The following LOXHD1 variants were observed in gnomAD, a reference collection of about 807,000 sequenced individuals.
LOXHD1 encodes lipoxygenase homology domain-containing protein 1.
Under a neutral mutation model 248.2 loss-of-function variants are expected in LOXHD1, and 205 were observed. The ratio of observed to expected loss-of-function variants is 0.83; its 90% confidence interval spans 0.74 to 0.93. The LOEUF is 0.93. Ranked by LOEUF, LOXHD1 falls within the 40% of genes least tolerant of loss-of-function variation. LOXHD1 has a pLI of 0.00. For missense variants in LOXHD1, 2,930 were observed against 2,971.6 expected (o/e 0.99, Z 0.33); for synonymous variants, 1,113 against 1,162.8 (o/e 0.96, Z 0.87).
At chr18:46,570,014 G>A (rs983908373) in intron 15 of LOXHD1, among the ~76,000 whole-genome samples, 2 of 152,220 alleles carry the variant, frequency 1.3e-5, no homozygotes, top group Non-Finnish European at 2.9e-5. Context: ...TGAGACAAAG[G>A]AAGGATCAAC....
chr18:46,560,048 T>TGCGGGGG, intron 19 of LOXHD1, 35 bp downstream of exon 19: 1 of 1,226,294 alleles, frequency 8.2e-7, no homozygotes, highest in Non-Finnish European at 1.1e-6. Context: ...GTCTGGCCAC[T>TGCGGGGG]CCCTCCCCAC....
intron 12 of LOXHD1, among the ~76,000 whole-genome samples, chr18:46,591,545 C>G (rs568617444): frequency 6.6e-6 from 1 of 152,352 alleles, no homozygotes; most frequent in East Asian, 1.9e-4. Flanking sequence ...TAGCAGCCAA[C>G]TGGGGCTACA....
At chr18:46,558,022 C>T in intron 20 of LOXHD1, 8 of 990,348 alleles carry the variant, frequency 8.1e-6, no homozygotes, top group Non-Finnish European at 9.6e-6. Flanking sequence ...ACACACTGCT[C>T]CATGCACGGG....
chr18:46,613,902 T>A (rs1172744533), intron 5 of LOXHD1, among the ~76,000 whole-genome samples: 1 of 152,200 alleles, frequency 6.6e-6, no homozygotes, highest in African/African-American at 2.4e-5. Context: ...TTGTCACATA[T>A]CTATATATTT....
chr18:46,490,931 C>A (rs1405549691), intron 37 of LOXHD1, among the ~76,000 whole-genome samples: 1 of 152,204 alleles, frequency 6.6e-6, no homozygotes, highest in African/African-American at 2.4e-5. Context: ...TCAAGTGCGA[C>A]TGCTGGCTGT....
chr18:46,604,212 A>C lies in LOXHD1; in HGVS notation c.777T>G (p.Ile259Met). The C allele has an allele frequency of 6.4e-7, 1 of 1,551,744 alleles. No individual in the cohort carries two copies. Among genetic ancestry groups the C allele is most frequent in the South Asian group, 1.2e-5 (1 of 84,062 alleles). The change falls in exon 7 of 41, where the codon ATT becomes ATG. Residue 259 changes from isoleucine (I) to methionine (M), a missense_variant. Physicochemically the swap from Ile to Met is conservative, Grantham distance 10 (BLOSUM62 1). Transcript: ENST00000642948. The part of the protein sequence containing the change: ...WFLSQIVIED[I>M]GNKRKYDFPL... The stretch of plus-strand genomic sequence containing the variant: ...GGAAGTCATATTTTCTTTTGTTCCC[A>C]ATATCTTCAATGACTATCTGGGAAG...
At chr18:46,617,281 T>C (rs1438495552) in intron 5 of LOXHD1, among the ~76,000 whole-genome samples, 3 of 152,192 alleles carry the variant, frequency 2.0e-5, no homozygotes, top group African/African-American at 7.2e-5. Context: ...GCAAATTTTT[T>C]CCTGGTCTAT....
At chr18:46,488,880 T>G (rs2143621920) in intron 38 of LOXHD1, 92 bp downstream of exon 38, 1 of 1,374,572 alleles carries the variant, frequency 7.3e-7, no homozygotes, top group Non-Finnish European at 9.9e-7. Flanking sequence ...TCCCTGTATC[T>G]GGCACCTGAC....
Position 46,529,947 on chromosome 18 carries a change from A to G in LOXHD1, c.4376-616T>C, listed in dbSNP as rs190447018. Among the ~76,000 whole-genome samples, 5 of 152,316 alleles carry G rather than the reference A, an allele frequency of 3.3e-5. No individual in the cohort carries two copies. In the East Asian group the frequency reaches 9.7e-4, roughly 29 times the overall value. On this transcript the variant is annotated intron_variant, in intron 28 of 40. Transcript: ENST00000642948. Reference sequence around the variant, plus strand: ...TATGGCCCATAGGGAGGGCTCAGTAAATATGGGTGTGACAATTATTAAAAA... The same window carrying G: ...TATGGCCCATAGGGAGGGCTCAGTAGATATGGGTGTGACAATTATTAAAAA...
Position 46,477,684 on chromosome 18 carries a change from C to G in LOXHD1, c.6610G>C (p.Asp2204His). 1 of 1,551,908 alleles carries G rather than the reference C, an allele frequency of 6.4e-7. No individual in the cohort carries two copies. Among genetic ancestry groups the G allele is most frequent in the African/African-American group, 1.4e-5 (1 of 73,202 alleles). ...MRNLFERGST[D>H]RFFLETLELG... ...TCCAGCGTCTCCAGGAAGAAGCGGT[C>G]TGTGCTGCCCCGCTCGAAGAGGTTG... Residue 2204 changes from aspartate (D) to histidine (H), a missense_variant, in exon 41 of 41, where the codon GAC (aspartate) becomes CAC (histidine). Physicochemically the swap from Asp to His is moderately conservative, Grantham distance 81 (BLOSUM62 -1). Transcript: ENST00000642948.
At chr18:46,544,927 C>T (rs1400178981) in intron 23 of LOXHD1, 5 of 475,654 alleles carry the variant, frequency 1.1e-5, no homozygotes, top group Admixed American at 2.3e-5. Context: ...TGGACAGTGG[C>T]GTGAGCAGAT....
At position 46,487,018 on chromosome 18, in the gene LOXHD1, C is replaced by T. The variant is rs185876591; in HGVS notation, c.6050-1867G>A. On this transcript the variant is annotated intron_variant, in intron 38 of 40. Transcript: ENST00000642948. ...TTGTTCACAGGTTGCTGGGAAGGAA[C>T]AGATGAAAGAGGATCAGGAACTTGA... is the stretch of plus-strand genomic sequence containing the variant. Among the ~76,000 whole-genome samples the T allele has an allele frequency of 3.3e-4, 50 of 152,230 alleles. 1 individual carries two copies. The highest frequency in any genetic ancestry group is 1.1e-3 in the African/African-American group (44 of 41,536).
At chr18:46,486,188 A>G in intron 38 of LOXHD1, among the ~76,000 whole-genome samples, 1 of 152,154 alleles carries the variant, frequency 6.6e-6, no homozygotes, top group East Asian at 1.9e-4. Context: ...GGACACAGTA[A>G]GTGTCTGGCT....
chr18:46,566,102 A>G (rs926846910), intron 17 of LOXHD1, among the ~76,000 whole-genome samples, 155 bp downstream of exon 17: 1 of 152,188 alleles, frequency 6.6e-6, no homozygotes, highest in Non-Finnish European at 1.5e-5. Context: ...GAACCATAGT[A>G]CCAGAAGCAG....
chr18:46,572,023 G>T, intron 15 of LOXHD1, 63 bp downstream of exon 15: 1 of 1,398,834 alleles, frequency 7.1e-7, no homozygotes, highest in Non-Finnish European at 9.9e-7. Context: ...GAAGGGCTTA[G>T]CTGAGGGAAG....
chr18:46,566,678 C>G lies in LOXHD1; in HGVS notation c.2245-229G>C, dbSNP rs544187483. On this transcript the variant is annotated intron_variant, in intron 16 of 40. Coordinates refer to ENST00000642948, the MANE Select transcript of LOXHD1 (RefSeq NM_001384474.1). ...TAGCCACCATTCCCTTCTCCTAAGCCCAGCACACCTCCCAGGGCCATAGTG... is the reference window on the plus strand; with the variant it reads ...TAGCCACCATTCCCTTCTCCTAAGCGCAGCACACCTCCCAGGGCCATAGTG... Among the ~76,000 whole-genome samples the G allele has an allele frequency of 7.9e-5, 12 of 152,300 alleles. No individual in the cohort carries two copies. The East Asian group carries it at 2.3e-3, about 29-fold the overall frequency.
At chr18:46,626,675 C>CA (rs1405457395) in intron 4 of LOXHD1, among the ~76,000 whole-genome samples, 2 of 152,064 alleles carry the variant, frequency 1.3e-5, no homozygotes, top group African/African-American at 4.8e-5. Context: ...TGTTCATAAA[C>CA]AAAAATTTAA....
intron 12 of LOXHD1, among the ~76,000 whole-genome samples, chr18:46,583,657 G>T (rs1477349243): frequency 1.3e-5 from 2 of 152,040 alleles, no homozygotes; most frequent in Non-Finnish European, 2.9e-5. Flanking sequence ...TCTTGCTCTA[G>T]TTAGAATGGC....
In LOXHD1 at chr18:46,592,018, G is replaced by T. The variant is rs949865785; in HGVS notation, c.1569C>A (p.Asn523Lys). 1.7e-5 allele frequency: 27 copies of T among 1,552,164 alleles called. No individual in the cohort carries two copies. In the East Asian group the frequency reaches 6.1e-4, roughly 35 times the overall value. Residue 523 changes from asparagine (N) to lysine (K), a missense_variant, in exon 12 of 41, where the codon AAC (asparagine) becomes AAA (lysine). Transcript: ENST00000642948. The stretch of plus-strand genomic sequence containing the variant: ...CATCCTCATTGGCATCCAGCCAGCG[G>T]TTGCAATTGAAGTTGTACTTGTCTT... Reference protein sequence around the residue: ...LNKDKYNFNCNRWLDANEDDN... With the variant: ...LNKDKYNFNCKRWLDANEDDN...
Sources: allele counts gnomAD v4.1 joint callset (sites outside exome capture counted in the v4.1 genomes callset), GRCh38; gene constraint gnomAD v4.1.1; transcripts MANE v1.5; gene names NCBI Gene and HGNC (gene_info 2026-07-23, HGNC 2026-07-21).